NEGR1: variants seen among roughly 807,000 people sequenced by gnomAD.
NEGR1 encodes IgLON family member 4.
NEGR1 carries 10 observed loss-of-function variants against 40.9 expected under a neutral mutation model. That is an observed-to-expected ratio of 0.24 (90% CI 0.15 to 0.42). The LOEUF (loss-of-function observed/expected upper bound fraction) is 0.42, where lower values mean the gene tolerates loss of function less well. NEGR1 is among the 10% of genes least tolerant of loss of function. The pLI is 1.00. For synonymous variants in NEGR1, 185 were observed against 166.8 expected (o/e 1.11, Z -0.84); for missense variants, 352 against 438.9 (o/e 0.80, Z 1.77).
chr1:71,956,390 G>A (rs1368363387), intron 1 of NEGR1, among the ~76,000 whole-genome samples: 1 of 152,062 alleles, frequency 6.6e-6, no homozygotes, highest in Non-Finnish European at 1.5e-5. Flanking sequence ...CAAACCAAGA[G>A]AACAATAATG....
chr1:71,703,749 G>A (rs1653782903), intron 3 of NEGR1, among the ~76,000 whole-genome samples: 1 of 151,686 alleles, frequency 6.6e-6, no homozygotes, highest in Non-Finnish European at 1.5e-5. Flanking sequence ...CCAAATTGAA[G>A]CAGAGAGAGA....
At chr1:72,057,752 T>A (rs926493427) in intron 1 of NEGR1, among the ~76,000 whole-genome samples, 10 of 151,552 alleles carry the variant, frequency 6.6e-5, no homozygotes, top group African/African-American at 2.4e-4. Context: ...GCCAGCATGG[T>A]TGGTGTCTGG....
chr1:72,074,726 T>G (rs1647646674), intron 1 of NEGR1, among the ~76,000 whole-genome samples: 2 of 152,122 alleles, frequency 1.3e-5, no homozygotes, highest in African/African-American at 2.4e-5. Flanking sequence ...GTGCTTTTAT[T>G]TTTACTTCAT....
chr1:72,213,912 A>G (rs965174601), intron 1 of NEGR1, among the ~76,000 whole-genome samples: 1 of 152,032 alleles, frequency 6.6e-6, no homozygotes, highest in Non-Finnish European at 1.5e-5. Flanking sequence ...GACACAACAA[A>G]AAAAGAAAAT....
chr1:71,537,690 C>T (rs957842362), intron 6 of NEGR1, among the ~76,000 whole-genome samples: 2 of 151,674 alleles, frequency 1.3e-5, no homozygotes, highest in Non-Finnish European at 1.5e-5. Flanking sequence ...AACAGAATTA[C>T]ACAATTAAAT....
intron 1 of NEGR1, among the ~76,000 whole-genome samples, chr1:72,246,971 C>T (rs184531807): frequency 2.6e-5 from 4 of 152,368 alleles, no homozygotes; most frequent in Admixed American, 1.3e-4. Context: ...CTTGCATTCT[C>T]CAAAGTAGCA....
At chr1:71,797,214 TG>T (rs1236244020) in intron 2 of NEGR1, among the ~76,000 whole-genome samples, 1 of 152,190 alleles carries the variant, frequency 6.6e-6, no homozygotes, top group Non-Finnish European at 1.5e-5. Context: ...AGTCATGCTA[TG>T]AATTAGGAAT....
intron 1 of NEGR1, among the ~76,000 whole-genome samples, chr1:71,943,460 G>T (rs1645991029): frequency 6.6e-6 from 1 of 151,726 alleles, no homozygotes; most frequent in Non-Finnish European, 1.5e-5. Context: ...TAATTAAACT[G>T]TTTTTCTGCA....
intron 1 of NEGR1, among the ~76,000 whole-genome samples, chr1:72,231,728 T>C (rs1204146547): frequency 1.3e-5 from 2 of 152,146 alleles, no homozygotes; most frequent in Non-Finnish European, 2.9e-5. Flanking sequence ...ACAGGAGCCA[T>C]GTTACATTAT....
In NEGR1 at chr1:71,698,001, CACTT is replaced by C; in HGVS notation, c.667+3_667+6del. On this transcript the variant is annotated splice_donor_5th_base_variant and intron_variant, in intron 4 of 6. Transcript: ENST00000357731. ...AACTTATCTTGATAAAAGGTGATGA[CACTT>C]ACAGTTGACAACAACTTTTACTTTC... The C allele has an allele frequency of 6.2e-7, 1 of 1,609,614 alleles. No homozygotes were observed. The highest frequency in any genetic ancestry group is 8.5e-7 in the Non-Finnish European group (1 of 1,177,376).
intron 1 of NEGR1, among the ~76,000 whole-genome samples, chr1:72,063,092 A>C (rs1307995937): frequency 2.0e-5 from 3 of 151,980 alleles, no homozygotes; most frequent in Non-Finnish European, 4.4e-5. Flanking sequence ...ATTTTGAAAA[A>C]AAATCTGTTC....
chr1:71,799,242 T>G (rs1657462553), intron 2 of NEGR1, among the ~76,000 whole-genome samples: 1 of 152,092 alleles, frequency 6.6e-6, no homozygotes, highest in Admixed American at 6.6e-5. Flanking sequence ...CACCTCCCTG[T>G]GTCCATGTAT....
At chr1:72,187,183 A>C (rs1400483040) in intron 1 of NEGR1, among the ~76,000 whole-genome samples, 1 of 151,368 alleles carries the variant, frequency 6.6e-6, no homozygotes, top group Non-Finnish European at 1.5e-5. Flanking sequence ...GTTTATCTTC[A>C]TTCTTAGCAA....
intron 1 of NEGR1, among the ~76,000 whole-genome samples, chr1:72,089,583 C>A (rs964007800): frequency 1.3e-5 from 2 of 152,042 alleles, no homozygotes; most frequent in African/African-American, 4.8e-5. Context: ...AGCATTTATT[C>A]TTTTAGGAAA....
chr1:71,755,103 G>T (rs1226961637), intron 3 of NEGR1, among the ~76,000 whole-genome samples: 1 of 152,138 alleles, frequency 6.6e-6, no homozygotes, highest in East Asian at 1.9e-4. Flanking sequence ...CAGAAATTCT[G>T]ATTTTTCTTT....
At chr1:71,961,247 G>A (rs1036958146) in intron 1 of NEGR1, among the ~76,000 whole-genome samples, 1 of 152,130 alleles carries the variant, frequency 6.6e-6, no homozygotes, top group African/African-American at 2.4e-5. Context: ...GTGATTCTAA[G>A]TAAGCAATTC....
At chr1:72,054,637 A>T (rs1321307454) in intron 1 of NEGR1, among the ~76,000 whole-genome samples, 1 of 151,204 alleles carries the variant, frequency 6.6e-6, no homozygotes, top group African/African-American at 2.4e-5. Context: ...TTGCCATCTC[A>T]GGATAGTGTC....
At position 71,400,805 on chromosome 1, in the gene NEGR1, A is replaced by C. The variant is rs1646242375; in HGVS notation, c.*6641T>G. On this transcript the variant is annotated 3_prime_UTR_variant, in exon 7 of 7. Coordinates refer to ENST00000357731, the MANE Select transcript of NEGR1 (RefSeq NM_173808.3). ...CCCAGCACTTTAGGAGGCCGAGGGA[A>C]GTGGATCACTTGAGGTCAGGAGTTC... 1 of 152,082 alleles carries C rather than the reference A, an allele frequency of 6.6e-6. No homozygotes were observed. The highest frequency in any genetic ancestry group is 1.5e-5 in the Non-Finnish European group (1 of 68,016). The allele number at this position is 152,082 out of a possible 1,614,324, so 9.4% of individuals were successfully genotyped here.
intron 4 of NEGR1, among the ~76,000 whole-genome samples, chr1:71,629,908 A>G (rs1258065548): frequency 6.6e-6 from 1 of 152,034 alleles, no homozygotes; most frequent in Admixed American, 6.6e-5. Context: ...ATACATTTGT[A>G]TTATATGACC....
Sources: allele counts gnomAD v4.1 joint callset (sites outside exome capture counted in the v4.1 genomes callset), GRCh38; gene constraint gnomAD v4.1.1; transcripts MANE v1.5; gene names NCBI Gene and HGNC (gene_info 2026-07-23, HGNC 2026-07-21).